The following CTNNBIP1 variants were observed in gnomAD, a reference collection of about 807,000 sequenced individuals.
CTNNBIP1 encodes the protein beta-catenin-interacting protein 1.
In CTNNBIP1, 7 loss-of-function variants were observed where a neutral mutation model predicts 11.8. The observed-to-expected ratio is 0.60, with a 90% confidence interval of 0.34 to 1.12. CTNNBIP1 has a LOEUF of 1.12. Ranked by LOEUF, CTNNBIP1 falls within the 50% of genes most tolerant of loss-of-function variation. The pLI, the probability that CTNNBIP1 is intolerant of heterozygous loss-of-function variation, is 0.03. For synonymous variants in CTNNBIP1, 58 were observed against 43.9 expected, an observed-to-expected ratio of 1.32 and a Z score of -1.26; for missense variants, 101 against 113.4, an observed-to-expected ratio of 0.89 and a Z score of 0.50.
In CTNNBIP1 at chr1:9,910,223, C is replaced by T; in HGVS notation, c.-272G>A. On this transcript the variant is annotated 5_prime_UTR_variant, in exon 1 of 6. Coordinates refer to ENST00000377263, the MANE Select transcript of CTNNBIP1 (RefSeq NM_020248.3). ...GCGGCAGTAGCAGCAGCAGGAGCGG[C>T]CGCCTCAGCCTCCGCCTCCCGCTCC... The T allele has an allele frequency of 6.8e-6, 1 of 147,488 alleles. No individual in the cohort carries two copies. The highest frequency in any genetic ancestry group is 1.5e-5 in the Non-Finnish European group (1 of 66,090). 9.1% of individuals were successfully genotyped at this position (147,488 alleles called of 1,614,324 possible). A position where few individuals can be genotyped will look rare whatever the true frequency, so the allele number is the denominator to read the frequency against.
chr1:9,881,669 C>T (rs1420828606), intron 2 of CTNNBIP1, among the ~76,000 whole-genome samples: 1 of 152,116 alleles, frequency 6.6e-6, no homozygotes, highest in South Asian at 2.1e-4. Context: ...AATTTCTGAA[C>T]AAGGGGGCTT....
intron 5 of CTNNBIP1, among the ~76,000 whole-genome samples, chr1:9,870,838 G>A (rs1389905557): frequency 6.6e-6 from 1 of 152,170 alleles, no homozygotes; most frequent in Admixed American, 6.5e-5. Flanking sequence ...GTGCTGGGTG[G>A]GTAGGGGTCA....
At chr1:9,853,418 G>A (rs1638432294) in intron 5 of CTNNBIP1, among the ~76,000 whole-genome samples, 1 of 152,216 alleles carries the variant, frequency 6.6e-6, no homozygotes, top group South Asian at 2.1e-4. Context: ...ATTTGGGCCA[G>A]TTACCGAATA....
chr1:9,894,903 CTAT>C (rs1639378234), intron 1 of CTNNBIP1, among the ~76,000 whole-genome samples: 1 of 109,472 alleles, frequency 9.1e-6, no homozygotes, highest in African/African-American at 5.2e-5. Flanking sequence ...CCATGCCTGG[CTAT>C]TTTTTTTTTT....
At chr1:9,888,643 C>T (rs1198746056) in intron 1 of CTNNBIP1, among the ~76,000 whole-genome samples, 1 of 152,176 alleles carries the variant, frequency 6.6e-6, no homozygotes, top group African/African-American at 2.4e-5. Context: ...GCATCCCAGA[C>T]CACCCCATGT....
intron 5 of CTNNBIP1, among the ~76,000 whole-genome samples, chr1:9,862,681 C>T (rs748535152): frequency 2.6e-5 from 4 of 152,206 alleles, no homozygotes; most frequent in Non-Finnish European, 5.9e-5. Flanking sequence ...TTTCTCTACA[C>T]GCACATCCGC....
At chr1:9,894,570 C>G (rs1406096751) in intron 1 of CTNNBIP1, among the ~76,000 whole-genome samples, 1 of 151,966 alleles carries the variant, frequency 6.6e-6, no homozygotes. Context: ...CCCTGTCACC[C>G]AGGCTGGAGT....
chr1:9,909,612 G>A (rs976269940), intron 1 of CTNNBIP1, among the ~76,000 whole-genome samples: 1 of 152,174 alleles, frequency 6.6e-6, no homozygotes, highest in Non-Finnish European at 1.5e-5. Context: ...GGTGAGATAT[G>A]TGCCCCCACC....
intron 5 of CTNNBIP1, among the ~76,000 whole-genome samples, chr1:9,865,068 A>C (rs967657110): frequency 1.3e-5 from 2 of 151,892 alleles, no homozygotes; most frequent in African/African-American, 4.8e-5. Flanking sequence ...ATCCCTACTA[A>C]ATATACAAAA....
At chr1:9,869,754 G>T (rs1370233615) in intron 5 of CTNNBIP1, among the ~76,000 whole-genome samples, 1 of 152,224 alleles carries the variant, frequency 6.6e-6, no homozygotes, top group Non-Finnish European at 1.5e-5. Flanking sequence ...CAGTGACCAA[G>T]ACTAAGTGGG....
intron 5 of CTNNBIP1, among the ~76,000 whole-genome samples, chr1:9,869,993 G>A (rs1638828371): frequency 6.6e-6 from 1 of 152,262 alleles, no homozygotes; most frequent in Non-Finnish European, 1.5e-5. Flanking sequence ...TGTGCGTGGT[G>A]AGCTGCTGTC....
In CTNNBIP1 at chr1:9,872,195, C is replaced by T; in HGVS notation, c.-24-107G>A. ...CTCCTCCCAGGAGCCGCTTTCCACC[C>T]ACAGTCTCCCTTCTGGGAGCATGGG... is the stretch of plus-strand genomic sequence containing the variant. On this transcript the variant is annotated intron_variant, in intron 3 of 5. Coordinates refer to ENST00000377263, the MANE Select transcript of CTNNBIP1 (RefSeq NM_020248.3). This position sits in a 1 kb window ranked among gnomAD's most constrained non-coding sequence, Gnocchi z 4.0. 1.4e-6 allele frequency: 1 copy of T among 702,240 alleles called. No homozygotes were observed. The highest frequency in any genetic ancestry group is 2.5e-6 in the Non-Finnish European group (1 of 400,920). The allele number at this position is 702,240 out of a possible 1,614,324, so 43.5% of individuals were successfully genotyped here.
intron 1 of CTNNBIP1, among the ~76,000 whole-genome samples, chr1:9,887,647 G>A (rs543735019): frequency 7.1e-4 from 107 of 151,590 alleles, no homozygotes; most frequent in African/African-American, 2.2e-3. Flanking sequence ...AGGTTGCAGT[G>A]AGCTGAGATC....
intron 1 of CTNNBIP1, among the ~76,000 whole-genome samples, chr1:9,884,216 T>C (rs562056082): frequency 6.6e-6 from 1 of 152,054 alleles, no homozygotes; most frequent in Admixed American, 6.5e-5. Flanking sequence ...GTTAACTGGA[T>C]GCCCTTTCCT....
intron 1 of CTNNBIP1, among the ~76,000 whole-genome samples, chr1:9,906,893 T>C (rs1054414092): frequency 2.0e-5 from 3 of 152,182 alleles, no homozygotes; most frequent in African/African-American, 7.2e-5. Context: ...CTGTGGACGA[T>C]GCAAAGACAA....
chr1:9,896,833 G>A (rs1174186811), intron 1 of CTNNBIP1, among the ~76,000 whole-genome samples: 1 of 152,144 alleles, frequency 6.6e-6, no homozygotes, highest in East Asian at 1.9e-4. Flanking sequence ...CAGGCATGGT[G>A]GCACGTGCCT....
chr1:9,855,893 A>G (rs1248745384), intron 5 of CTNNBIP1, among the ~76,000 whole-genome samples: 2 of 152,050 alleles, frequency 1.3e-5, no homozygotes, highest in Non-Finnish European at 2.9e-5. Context: ...ACACTCGGCT[A>G]ATTAATTTTT....
At chr1:9,856,651 T>C (rs1638508462) in intron 5 of CTNNBIP1, among the ~76,000 whole-genome samples, 1 of 151,588 alleles carries the variant, frequency 6.6e-6, no homozygotes, top group African/African-American at 2.4e-5. Context: ...GTACCTGGGA[T>C]TACAGTCGCC....
chr1:9,896,995 A>G (rs2101536752), intron 1 of CTNNBIP1, among the ~76,000 whole-genome samples: 1 of 151,820 alleles, frequency 6.6e-6, no homozygotes, highest in East Asian at 1.9e-4. Context: ...AATGAAAATT[A>G]GCCGGGCATG....
Sources: allele counts gnomAD v4.1 joint callset (sites outside exome capture counted in the v4.1 genomes callset), GRCh38; gene constraint gnomAD v4.1.1; non-coding constraint Gnocchi (gnomAD v3.1); transcripts MANE v1.5; gene names NCBI Gene and HGNC (gene_info 2026-07-23, HGNC 2026-07-21).